ADAMTSL1: variants seen among roughly 807,000 people sequenced by gnomAD.
ADAMTSL1 encodes the protein ADAMTS-like protein 1.
A neutral mutation model predicts 201.8 loss-of-function variants in ADAMTSL1; 126 were observed. The observed-to-expected ratio is 0.62, with a 90% CI of 0.54 to 0.72. The LOEUF (loss-of-function observed/expected upper bound fraction) is 0.72. Among genes scored for constraint, ADAMTSL1 ranks in the 30% least tolerant of loss-of-function variants. The pLI, the probability that ADAMTSL1 is intolerant of heterozygous loss-of-function variation, is 0.00. For synonymous variants in ADAMTSL1, 1,121 were observed against 903.4 expected (o/e 1.24, Z -4.32); for missense variants, 2,679 against 2,277.8 (o/e 1.18, Z -3.59).
chr9:18,737,828 C>G (rs947797373), intron 15 of ADAMTSL1, among the ~76,000 whole-genome samples: 15 of 152,190 alleles, frequency 9.9e-5, no homozygotes, highest in Non-Finnish European at 1.5e-5. Flanking sequence ...ATTTTGAGCT[C>G]AGTGTTTATC....
At chr9:18,228,100 A>G (rs2132393490) in intron 2 of ADAMTSL1, among the ~76,000 whole-genome samples, 1 of 152,332 alleles carries the variant, frequency 6.6e-6, no homozygotes, top group African/African-American at 2.4e-5. Flanking sequence ...CTTAGACTGC[A>G]CAACAATGCA....
chr9:17,913,821 A>AC (rs1239125363), intron 1 of ADAMTSL1, among the ~76,000 whole-genome samples: 1 of 420 alleles, frequency 2.4e-3, no homozygotes, highest in Non-Finnish European at 0.021. Flanking sequence ...TAGACGCAAT[A>AC]AAAATGATAA....
At chr9:18,474,100 A>C, upstream of ADAMTSL1, 20 of 413,560 alleles carry the variant, frequency 4.8e-5, no homozygotes, top group East Asian at 2.0e-4. Context: ...CTCGGTCAGG[A>C]AATGTGAGAG....
At chr9:17,997,027 C>A (rs146224442) in intron 1 of ADAMTSL1, among the ~76,000 whole-genome samples, 24 of 152,238 alleles carry the variant, frequency 1.6e-4, no homozygotes, top group African/African-American at 5.8e-4. Flanking sequence ...CTTGAGTGGG[C>A]ATTTTGCCCA....
chr9:18,752,865 A>C (rs1819542496), intron 15 of ADAMTSL1, among the ~76,000 whole-genome samples: 1 of 152,224 alleles, frequency 6.6e-6, no homozygotes, highest in South Asian at 2.1e-4. Context: ...AAAGAATTAC[A>C]AGCATAAAAT....
intron 1 of ADAMTSL1, among the ~76,000 whole-genome samples, chr9:17,992,560 T>A (rs575510212): frequency 1.3e-4 from 20 of 152,146 alleles, no homozygotes; most frequent in Admixed American, 1.2e-3. Flanking sequence ...GGGGATCACT[T>A]GAGTCATCTG....
At chr9:18,718,347 G>T in intron 14 of ADAMTSL1, 1 of 734,360 alleles carries the variant, frequency 1.4e-6, no homozygotes, top group Non-Finnish European at 2.6e-6. Flanking sequence ...ACATTGTTCC[G>T]TTCCTGCAGT....
intron 2 of ADAMTSL1, among the ~76,000 whole-genome samples, chr9:18,338,686 G>A (rs557671284): frequency 6.6e-6 from 1 of 152,212 alleles, no homozygotes; most frequent in South Asian, 2.1e-4. Context: ...GTAAATGCAT[G>A]CTGCAGGAGC....
At chr9:18,352,698 A>T (rs1172869928) in intron 2 of ADAMTSL1, among the ~76,000 whole-genome samples, 1 of 152,198 alleles carries the variant, frequency 6.6e-6, no homozygotes, top group African/African-American at 2.4e-5. Context: ...TTTATTCCCT[A>T]CAGAAAACCA....
intron 1 of ADAMTSL1, among the ~76,000 whole-genome samples, chr9:18,009,694 T>G (rs1416194813): frequency 6.6e-6 from 1 of 152,008 alleles, no homozygotes; most frequent in African/African-American, 2.4e-5. Context: ...AGCTGAAAAT[T>G]TAACTAGCCA....
chr9:18,438,473 T>C (rs1407438000), intron 2 of ADAMTSL1, among the ~76,000 whole-genome samples: 1 of 151,960 alleles, frequency 6.6e-6, no homozygotes, highest in Non-Finnish European at 1.5e-5. Context: ...GCCAGGGATG[T>C]TTTTGCTTTG....
At chr9:18,471,890 A>C (rs148706214), upstream of ADAMTSL1, among the ~76,000 whole-genome samples, 419 of 152,384 alleles carry the variant, frequency 2.7e-3, 2 homozygotes, top group African/African-American at 9.5e-3. Flanking sequence ...ATTTATTTGC[A>C]AAGCAGAAAA....
At chr9:18,528,378 T>C (rs370458352) in intron 2 of ADAMTSL1, among the ~76,000 whole-genome samples, 3 of 152,038 alleles carry the variant, frequency 2.0e-5, no homozygotes, top group East Asian at 3.9e-4. Context: ...CAGTGTGTGT[T>C]GTTACCCCCA....
chr9:18,374,284 C>T (rs1837185003), intron 2 of ADAMTSL1, among the ~76,000 whole-genome samples: 1 of 151,766 alleles, frequency 6.6e-6, no homozygotes, highest in Admixed American at 6.6e-5. Flanking sequence ...CAATAGGGGA[C>T]TATGCATTGA....
At chr9:17,958,982 C>A (rs1004923351) in intron 1 of ADAMTSL1, among the ~76,000 whole-genome samples, 5 of 152,078 alleles carry the variant, frequency 3.3e-5, no homozygotes, top group Admixed American at 6.6e-5. Context: ...ATTTTAGAGG[C>A]TTTCTGAATC....
Position 18,575,976 on chromosome 9 carries a change from G to GAGGC in ADAMTSL1, c.474+1710_474+1711insAGGC, listed in dbSNP as rs1442230806. On this transcript the variant is annotated intron_variant, in intron 4 of 28. Coordinates refer to ENST00000380548, the MANE Select transcript of ADAMTSL1 (RefSeq NM_001040272.6). ...TGCCAGCAGGCCTCATGGTACCTTA[G>GAGGC]CAACTGAAAGAGAATCCTATCTCAG... Among the ~76,000 whole-genome samples the GAGGC allele has an allele frequency of 2.2e-4, 33 of 152,202 alleles. No homozygotes were observed. In the East Asian group the frequency reaches 6.2e-3, roughly 29 times the overall value.
At chr9:18,743,878 A>G (rs1388866018) in intron 15 of ADAMTSL1, among the ~76,000 whole-genome samples, 2 of 152,132 alleles carry the variant, frequency 1.3e-5, no homozygotes, top group East Asian at 3.8e-4. Flanking sequence ...TAGCAAATCC[A>G]TCTGTGATCG....
At chr9:18,823,096 A>G (rs571108837) in intron 21 of ADAMTSL1, among the ~76,000 whole-genome samples, 19 of 152,320 alleles carry the variant, frequency 1.2e-4, no homozygotes, top group African/African-American at 4.6e-4. Context: ...TTCTCCACCT[A>G]AGGCCCACAG....
At chr9:18,205,585 G>C (rs986464348) in intron 2 of ADAMTSL1, among the ~76,000 whole-genome samples, 1 of 152,026 alleles carries the variant, frequency 6.6e-6, no homozygotes, top group Non-Finnish European at 1.5e-5. Context: ...CATGATCAAG[G>C]TTCCACAGGC....
Sources: gnomAD v4.1 joint callset for allele counts (sites outside exome capture counted in the v4.1 genomes callset) on GRCh38, gnomAD v4.1.1 for gene constraint, MANE v1.5 for transcripts, NCBI Gene and HGNC (gene_info 2026-07-23, HGNC 2026-07-21) for gene names.